The following SEC62 variants were observed in gnomAD, a reference collection of about 807,000 sequenced individuals.
SEC62 encodes translocation protein SEC62.
SEC62 carries 10 observed loss-of-function variants against 47.5 expected under a neutral mutation model. That is an observed-to-expected ratio of 0.21 (90% confidence interval 0.13 to 0.36). The LOEUF is 0.36. Ranked by LOEUF, SEC62 falls within the 10% of genes least tolerant of loss-of-function variation. The pLI is 1.00. For synonymous variants in SEC62, 136 were observed against 150.5 expected (o/e 0.90, Z 0.71); for missense variants, 327 against 464.1 (o/e 0.70, Z 2.71).
Position 169,992,957 on chromosome 3 carries a change from T to A in SEC62, c.1094T>A (p.Met365Lys). 1 of 1,613,542 alleles carries A rather than the reference T, an allele frequency of 6.2e-7. No individual in the cohort carries two copies. Residue 365 changes from methionine to lysine, a missense_variant, in exon 8 of 8, where the codon ATG (methionine) becomes AAG (lysine). Around this residue, in one of 3 missense-constraint regions of SEC62, gnomAD observed 102 missense variants for 108.8 expected, o/e 0.94. Coordinates refer to ENST00000337002, the MANE Select transcript of SEC62 (RefSeq NM_003262.4). This position sits in a 1 kb window ranked among gnomAD's most constrained non-coding sequence, Gnocchi z 4.0. ...AGTGGAAATGGAAATGATTTTGAAATGATAACAAAAGAGGAACTGGAACAG... is the reference window on the plus strand; with the variant it reads ...AGTGGAAATGGAAATGATTTTGAAAAGATAACAAAAGAGGAACTGGAACAG... ...HSSGNGNDFEMITKEELEQQT... is the reference protein window; with the variant it reads ...HSSGNGNDFEKITKEELEQQT...
chr3:169,988,119 A>G lies in SEC62; in HGVS notation c.611-121A>G, dbSNP rs1195722775. 14 of 1,126,600 alleles carry G rather than the reference A, an allele frequency of 1.2e-5. No homozygotes were observed. The Admixed American group carries it at 2.0e-4, about 16-fold the overall frequency. 69.8% of individuals were successfully genotyped at this position (1,126,600 alleles called of 1,614,324 possible). ...CCATTTTTTACCTATAAAAATGGCAATTTTATATTTCACTGTGTTTATGTT... is the reference window on the plus strand; with the variant it reads ...CCATTTTTTACCTATAAAAATGGCAGTTTTATATTTCACTGTGTTTATGTT... On this transcript the variant is annotated intron_variant, in intron 6 of 7. Coordinates refer to ENST00000337002, the MANE Select transcript of SEC62 (RefSeq NM_003262.4).
At chr3:169,978,096 G>A (rs1391860983) in intron 3 of SEC62, among the ~76,000 whole-genome samples, 1 of 152,054 alleles carries the variant, frequency 6.6e-6, no homozygotes, top group Non-Finnish European at 1.5e-5. Context: ...TGGCTAACAA[G>A]GTGAAACCCC....
intron 1 of SEC62, among the ~76,000 whole-genome samples, chr3:169,972,290 T>G (rs1311818342): frequency 6.6e-6 from 1 of 152,210 alleles, no homozygotes; most frequent in Admixed American, 6.5e-5. Context: ...CTTCCTAGCT[T>G]GTCTCTACTA....
At chr3:169,975,843 T>A (rs564416394) in intron 2 of SEC62, 127 bp downstream of exon 2, 9 of 548,804 alleles carry the variant, frequency 1.6e-5, no homozygotes, top group Non-Finnish European at 2.7e-5. Flanking sequence ...ATATGGCAGT[T>A]GATTATTCTG....
rs2108289760 is a variant in SEC62, at chr3:169,992,871, G to A, written c.1008G>A (p.Gly336=). 6.2e-7 allele frequency: 1 copy of A among 1,614,104 alleles called. No individual in the cohort carries two copies. Among genetic ancestry groups the A allele is most frequent in the Non-Finnish European group, 8.5e-7 (1 of 1,180,032 alleles). The change falls in exon 8 of 8, where the codon GGG becomes GGA. Residue 336 remains glycine (G), a synonymous_variant. Coordinates refer to ENST00000337002, the MANE Select transcript of SEC62 (RefSeq NM_003262.4). The surrounding 1 kb of genome is among the most constrained non-coding windows in gnomAD (Gnocchi z 4.0). ...GPGNHGTEGS[G]GERHSDTDSD... ...GAAATCATGGAACAGAAGGCTCGGG[G>A]GGAGAACGGCATTCAGACACGGACA...
At position 169,994,489 on chromosome 3, in the gene SEC62, A is replaced by C. The variant is rs1342577770; in HGVS notation, c.*1426A>C. The C allele has an allele frequency of 6.6e-6, 1 of 152,626 alleles. No homozygotes were observed. Among genetic ancestry groups the C allele is most frequent in the African/African-American group, 2.4e-5 (1 of 41,462 alleles). The allele number at this position is 152,626 out of a possible 1,614,324, so 9.5% of individuals were successfully genotyped here. A position where few individuals can be genotyped will look rare whatever the true frequency, so the allele number is the denominator to read the frequency against. ...GTTTTCTGTATCGACACATTTTATT[A>C]AACTTGGCTTGATTGCTTCTTTATA... On this transcript the variant is annotated 3_prime_UTR_variant, in exon 8 of 8. Coordinates refer to ENST00000337002, the MANE Select transcript of SEC62 (RefSeq NM_003262.4).
At chr3:169,976,310 G>A (rs918955818) in intron 2 of SEC62, among the ~76,000 whole-genome samples, 3 of 152,132 alleles carry the variant, frequency 2.0e-5, no homozygotes, top group Non-Finnish European at 4.4e-5. Flanking sequence ...AGAGGCTGCA[G>A]TTAACTATGA....
rs1178625437 is a variant in SEC62 at position 169,997,387 on chromosome 3, G to T, written c.*4324G>T. 6.6e-6 allele frequency: 1 copy of T among 152,090 alleles called. No individual in the cohort carries two copies. The highest frequency in any genetic ancestry group is 2.4e-5 in the African/African-American group (1 of 41,420). The allele number at this position is 152,090 out of a possible 1,614,324, so 9.4% of individuals were successfully genotyped here. On this transcript the variant is annotated 3_prime_UTR_variant, in exon 8 of 8. Transcript: ENST00000337002. The stretch of plus-strand genomic sequence containing the variant: ...AAGGGGGTCATATCATCACACTTTG[G>T]TCTTATTTCATTTTCAATGATTTCC...
In SEC62 at chr3:169,993,196, C is replaced by G; in HGVS notation, c.*133C>G. 1.5e-6 allele frequency: 1 copy of G among 683,724 alleles called. No homozygotes were observed. Among genetic ancestry groups the G allele is most frequent in the Non-Finnish European group, 2.4e-6 (1 of 409,690 alleles). 42.4% of individuals were successfully genotyped at this position (683,724 alleles called of 1,614,324 possible). ...TACTGAAATGTATTTGACATTCAAG[C>G]AGTTATATTCGGTCCTTCATTTTAT... On this transcript the variant is annotated 3_prime_UTR_variant, in exon 8 of 8. Coordinates refer to ENST00000337002, the MANE Select transcript of SEC62 (RefSeq NM_003262.4).
chr3:169,972,639 C>T (rs1714726574), intron 1 of SEC62, among the ~76,000 whole-genome samples: 1 of 139,568 alleles, frequency 7.2e-6, no homozygotes, highest in South Asian at 2.3e-4. Context: ...CCAGGCTGGT[C>T]TCAAGCCTGG....
intron 5 of SEC62, chr3:169,985,096 G>A (rs1051363820): frequency 2.0e-5 from 3 of 151,928 alleles, no homozygotes; most frequent in African/African-American, 7.3e-5. Context: ...GTGTGGAGTT[G>A]AGTGATACTA....
In SEC62 at chr3:169,995,133, A is replaced by T. The variant is rs1424588198; in HGVS notation, c.*2070A>T. 6.6e-6 allele frequency: 1 copy of T among 152,220 alleles called. No individual in the cohort carries two copies. The highest frequency in any genetic ancestry group is 2.4e-5 in the African/African-American group (1 of 41,462). The allele number at this position is 152,220 out of a possible 1,614,324, so 9.4% of individuals were successfully genotyped here. A position where few individuals can be genotyped will look rare whatever the true frequency, so the allele number is the denominator to read the frequency against. On this transcript the variant is annotated 3_prime_UTR_variant, in exon 8 of 8. Coordinates refer to ENST00000337002, the MANE Select transcript of SEC62 (RefSeq NM_003262.4). ...TAGATGGCTATCTTTCTTGGCTAAC[A>T]TTAAATATTCTTGTACCAGAGCATG...
chr3:169,975,261 A>G (rs1714804377), intron 1 of SEC62, among the ~76,000 whole-genome samples: 1 of 149,238 alleles, frequency 6.7e-6, no homozygotes, highest in South Asian at 2.2e-4. Flanking sequence ...AGCCTAGGCA[A>G]CAGAGTGAGA....
chr3:169,991,009 T>G (rs1462029483), intron 7 of SEC62, among the ~76,000 whole-genome samples: 3 of 152,184 alleles, frequency 2.0e-5, no homozygotes, highest in Non-Finnish European at 4.4e-5. Flanking sequence ...TCATGACCTT[T>G]TAAAAAACAG....
chr3:169,972,580 CT>C (rs11391826), intron 1 of SEC62, among the ~76,000 whole-genome samples: 1,971 of 114,920 alleles, frequency 0.017, 45 homozygotes, highest in African/African-American at 0.062. Flanking sequence ...CTTTTTCTAT[CT>C]TTTTTTTTTT....
At chr3:169,975,068 G>A (rs1050563632) in intron 1 of SEC62, among the ~76,000 whole-genome samples, 4 of 152,076 alleles carry the variant, frequency 2.6e-5, no homozygotes, top group African/African-American at 9.7e-5. Context: ...ATCACTTGAG[G>A]TCAGGAGTTC....
chr3:169,982,227 G>A (rs913531173), intron 3 of SEC62, among the ~76,000 whole-genome samples: 5 of 152,024 alleles, frequency 3.3e-5, no homozygotes, highest in South Asian at 2.1e-4. Context: ...ACTGAATTGC[G>A]AAGTACTTGG....
intron 1 of SEC62, among the ~76,000 whole-genome samples, chr3:169,974,774 G>T (rs1441299069): frequency 6.6e-6 from 1 of 152,208 alleles, no homozygotes; most frequent in African/African-American, 2.4e-5. Context: ...AATTGTCATT[G>T]TGTCAGTAGT....
intron 1 of SEC62, among the ~76,000 whole-genome samples, chr3:169,971,629 T>G (rs191759715): frequency 6.6e-6 from 1 of 152,338 alleles, no homozygotes; most frequent in African/African-American, 2.4e-5. Flanking sequence ...GGGTGCAGTT[T>G]TAGAAGAGTT....
Sources: gnomAD v4.1 joint callset for allele counts (sites outside exome capture counted in the v4.1 genomes callset) on GRCh38, gnomAD v4.1.1 for gene constraint, gnomAD v4.1.1 regional missense constraint, Gnocchi (gnomAD v3.1) non-coding constraint, MANE v1.5 for transcripts, NCBI Gene and HGNC (gene_info 2026-07-23, HGNC 2026-07-21) for gene names.